The following ERICH5 variants were observed in gnomAD, a reference collection of about 807,000 sequenced individuals.
The protein encoded by ERICH5 is glutamate-rich protein 5.
ERICH5 carries 24 observed loss-of-function variants against 28.0 expected under a neutral mutation model. That is an observed-to-expected ratio of 0.86 (90% CI 0.62 to 1.21). The LOEUF (loss-of-function observed/expected upper bound fraction) is 1.21, where lower values mean the gene tolerates loss of function less well. Ranked by LOEUF, ERICH5 falls within the 50% of genes most tolerant of loss-of-function variation. The probability of loss-of-function intolerance (pLI) is 0.00; values close to 1 mark genes in which losing one functional copy is unlikely to be tolerated. For synonymous variants in ERICH5, 163 were observed against 157.6 expected (o/e 1.03, Z -0.25); for missense variants, 421 against 441.2 (o/e 0.95, Z 0.41).
chr8:98,070,338 A>G (rs1814890053), intron 1 of ERICH5, among the ~76,000 whole-genome samples: 1 of 152,126 alleles, frequency 6.6e-6, no homozygotes, highest in South Asian at 2.1e-4. Context: ...AGCCTGGGCA[A>G]CACAGTGAGA....
At chr8:98,093,155 C>G in intron 2 of ERICH5, 66 bp from the exon 3 acceptor site, 1 of 1,144,574 alleles carries the variant, frequency 8.7e-7, no homozygotes, top group Admixed American at 1.9e-5. Context: ...TGGAGACAAA[C>G]TGTGGGATAA....
chr8:98,078,267 T>A (rs535093426), intron 1 of ERICH5, among the ~76,000 whole-genome samples: 26 of 152,292 alleles, frequency 1.7e-4, no homozygotes, highest in Admixed American at 2.6e-4. Flanking sequence ...AAGGATAGAA[T>A]GGAATTAAGG....
At chr8:98,079,667 G>C (rs925120073) in intron 1 of ERICH5, among the ~76,000 whole-genome samples, 1 of 152,156 alleles carries the variant, frequency 6.6e-6, no homozygotes, top group Non-Finnish European at 1.5e-5. Context: ...GGCCTCCCGA[G>C]TAGCTGGGAT....
chr8:98,075,270 C>A (rs1359238421), intron 1 of ERICH5, among the ~76,000 whole-genome samples: 1 of 152,140 alleles, frequency 6.6e-6, no homozygotes, highest in Non-Finnish European at 1.5e-5. Flanking sequence ...TTATTGAAAT[C>A]TTCCAGTTTA....
intron 1 of ERICH5, among the ~76,000 whole-genome samples, chr8:98,065,982 C>T (rs979624525): frequency 2.6e-5 from 4 of 152,056 alleles, no homozygotes; most frequent in African/African-American, 7.3e-5. Flanking sequence ...TTTCTAGTTT[C>T]CATAGATAAC....
At chr8:98,081,086 T>TTCTCTC (rs369795643) in intron 1 of ERICH5, among the ~76,000 whole-genome samples, 2 of 149,626 alleles carry the variant, frequency 1.3e-5, no homozygotes, top group South Asian at 2.1e-4. Context: ...CATAATTTCT[T>TTCTCTC]TCTCTCTCTC....
chr8:98,088,411 T>C (rs147748726), intron 1 of ERICH5, among the ~76,000 whole-genome samples: 37 of 152,334 alleles, frequency 2.4e-4, no homozygotes, highest in African/African-American at 7.2e-4. Context: ...GTTGGAACAA[T>C]GGCCAGAAGT....
In ERICH5 at chr8:98,093,489, G is replaced by A. The variant is rs1815446523; in HGVS notation, c.*156G>A. ...GGAACCATGAGAAGGATGTTTCTGTGTTCTTGATTATATTGTTCTGCAAAA... is the reference window on the plus strand; with the variant it reads ...GGAACCATGAGAAGGATGTTTCTGTATTCTTGATTATATTGTTCTGCAAAA... On this transcript the variant is annotated 3_prime_UTR_variant, in exon 3 of 3. Transcript: ENST00000318528. 2.0e-6 allele frequency: 1 copy of A among 507,532 alleles called. No homozygotes were observed. Among genetic ancestry groups the A allele is most frequent in the Non-Finnish European group, 3.5e-6 (1 of 288,142 alleles). The allele number at this position is 507,532 out of a possible 1,614,324, so 31.4% of individuals were successfully genotyped here.
chr8:98,091,413 G>T (rs977325008), intron 2 of ERICH5, among the ~76,000 whole-genome samples: 2 of 152,196 alleles, frequency 1.3e-5, no homozygotes, highest in Non-Finnish European at 2.9e-5. Context: ...CTAAGAATGT[G>T]TAAGAAGGGC....
At chr8:98,071,859 T>G (rs2447520) in intron 1 of ERICH5, among the ~76,000 whole-genome samples, 95,249 of 151,722 alleles carry the variant, frequency 0.63, 30,124 homozygotes, top group East Asian at 0.69. Flanking sequence ...TAAGGATGAA[T>G]ATTGAAAAAA....
intron 1 of ERICH5, among the ~76,000 whole-genome samples, chr8:98,084,171 G>T (rs1815231932): frequency 1.3e-5 from 2 of 150,928 alleles, no homozygotes; most frequent in African/African-American, 4.9e-5. Flanking sequence ...TTACAGGCAT[G>T]CTGTGCCCGG....
chr8:98,064,687 C>G lies in ERICH5; in HGVS notation c.18C>G (p.Ser6Arg). 6.5e-7 allele frequency: 1 copy of G among 1,536,136 alleles called. No individual in the cohort carries two copies. Among genetic ancestry groups the G allele is most frequent in the Non-Finnish European group, 8.7e-7 (1 of 1,143,250 alleles). The change falls in exon 1 of 3, where the codon AGC (serine) becomes AGG (arginine). Residue 6 changes from serine (S) to arginine (R), a missense_variant. Transcript: ENST00000318528. MGCSS[S>R]ALNKAGDSSR... ...TCCCCGCAATGGGCTGCTCCAGCAG[C>G]GCCCTCAACAAGGCCGGCGACAGCA...
intron 1 of ERICH5, among the ~76,000 whole-genome samples, chr8:98,066,367 G>A (rs990085818): frequency 2.6e-5 from 4 of 152,042 alleles, no homozygotes; most frequent in African/African-American, 9.7e-5. Context: ...GTAGCATCCT[G>A]GTTTAACAAG....
chr8:98,092,549 C>T (rs1195476015), intron 2 of ERICH5, among the ~76,000 whole-genome samples: 1 of 152,210 alleles, frequency 6.6e-6, no homozygotes, highest in Non-Finnish European at 1.5e-5. Flanking sequence ...AAGTGATCCT[C>T]TTGCCTCAGC....
Position 98,089,679 on chromosome 8 carries a change from T to C in ERICH5, c.662T>C (p.Ile221Thr). 6.2e-7 allele frequency: 1 copy of C among 1,614,038 alleles called. No homozygotes were observed. The highest frequency in any genetic ancestry group is 8.5e-7 in the Non-Finnish European group (1 of 1,180,018). Residue 221 changes from isoleucine to threonine, a missense_variant, in exon 2 of 3, where the codon ATT (isoleucine) becomes ACT (threonine). By Grantham distance (89) the Ile-to-Thr change is moderately conservative. Coordinates refer to ENST00000318528, the MANE Select transcript of ERICH5 (RefSeq NM_173549.3). ...KDEQAPLLET[I>T]SKENESPEIL... Reference sequence around the variant, plus strand: ...GAGCAGGCCCCGCTTCTAGAAACAATTTCCAAAGAGAATGAATCTCCAGAA... The same window carrying C: ...GAGCAGGCCCCGCTTCTAGAAACAACTTCCAAAGAGAATGAATCTCCAGAA...
intron 1 of ERICH5, among the ~76,000 whole-genome samples, chr8:98,071,602 T>A (rs1253666185): frequency 5.3e-5 from 8 of 152,052 alleles, no homozygotes; most frequent in Non-Finnish European, 1.0e-4. Flanking sequence ...CTCAGCCTCC[T>A]AAGGTGCTGG....
chr8:98,077,066 C>G (rs977277504), intron 1 of ERICH5, among the ~76,000 whole-genome samples: 9 of 151,630 alleles, frequency 5.9e-5, no homozygotes, highest in African/African-American at 1.9e-4. Flanking sequence ...AGTTTGAGAC[C>G]AGCCTGGGCA....
chr8:98,066,366 T>C (rs75109243), intron 1 of ERICH5, among the ~76,000 whole-genome samples: 4,396 of 152,308 alleles, frequency 0.029, 190 homozygotes, highest in African/African-American at 0.096. Context: ...AGTAGCATCC[T>C]GGTTTAACAA....
intron 1 of ERICH5, among the ~76,000 whole-genome samples, chr8:98,084,404 C>T (rs955757803): frequency 6.6e-6 from 1 of 151,926 alleles, no homozygotes; most frequent in African/African-American, 2.4e-5. Flanking sequence ...GTTTTTGAGT[C>T]GAAGTCTCGC....
Sources: allele counts gnomAD v4.1 joint callset (sites outside exome capture counted in the v4.1 genomes callset), GRCh38; gene constraint gnomAD v4.1.1; transcripts MANE v1.5; gene names NCBI Gene and HGNC (gene_info 2026-07-23, HGNC 2026-07-21).